The following CD2AP variants were observed in gnomAD, a reference collection of about 807,000 sequenced individuals.
CD2AP encodes CD2 associated protein, also known as CD2-associated protein.
Under a neutral mutation model 85.1 loss-of-function variants are expected in CD2AP, and 46 were observed. The observed-to-expected ratio is 0.54, with a 90% CI of 0.43 to 0.69. The LOEUF (loss-of-function observed/expected upper bound fraction) is 0.69. Among genes scored for constraint, CD2AP ranks in the 30% least tolerant of loss-of-function variants. CD2AP has a pLI of 0.00. For missense variants in CD2AP, 769 were observed against 729.5 expected, an observed-to-expected ratio of 1.05 and a Z score of -0.62; for synonymous variants, 255 against 252.9, an observed-to-expected ratio of 1.01 and a Z score of -0.08.
chr6:47,501,934 G>T (rs368049828), intron 1 of CD2AP, among the ~76,000 whole-genome samples: 11 of 152,140 alleles, frequency 7.2e-5, no homozygotes, highest in African/African-American at 2.7e-4. Flanking sequence ...TAGTAGTTTA[G>T]AACTATATAT....
intron 2 of CD2AP, among the ~76,000 whole-genome samples, chr6:47,528,965 G>T (rs1299351946): frequency 6.6e-6 from 1 of 152,022 alleles, no homozygotes; most frequent in Non-Finnish European, 1.5e-5. Flanking sequence ...TCACTCTCTT[G>T]ATACGTTTGC....
chr6:47,499,678 A>G (rs1765952333), intron 1 of CD2AP, among the ~76,000 whole-genome samples: 1 of 152,196 alleles, frequency 6.6e-6, no homozygotes, highest in Non-Finnish European at 1.5e-5. Context: ...AGAGTAAATA[A>G]TAAATGAATA....
At chr6:47,576,678 C>G in intron 7 of CD2AP, 76 bp downstream of exon 7, 1 of 1,068,540 alleles carries the variant, frequency 9.4e-7, no homozygotes, top group Admixed American at 1.7e-5. Flanking sequence ...TTGTTGGAAG[C>G]ATTTGTTACA....
At chr6:47,560,731 C>G (rs1383028911) in intron 5 of CD2AP, among the ~76,000 whole-genome samples, 1 of 152,146 alleles carries the variant, frequency 6.6e-6, no homozygotes, top group South Asian at 2.1e-4. Flanking sequence ...TTAGTTACAG[C>G]TGTGCTGCCA....
At chr6:47,574,931 C>T (rs544138295) in intron 6 of CD2AP, among the ~76,000 whole-genome samples, 8 of 152,264 alleles carry the variant, frequency 5.3e-5, no homozygotes, top group Admixed American at 4.6e-4. Flanking sequence ...CTCTTTAACT[C>T]TGAAGAAATT....
chr6:47,530,539 T>C (rs1314570678), intron 2 of CD2AP, among the ~76,000 whole-genome samples: 1 of 152,262 alleles, frequency 6.6e-6, no homozygotes, highest in African/African-American at 2.4e-5. Context: ...TTCATTTTTA[T>C]TGCTGAGTAG....
intron 1 of CD2AP, among the ~76,000 whole-genome samples, chr6:47,491,545 A>G (rs1462833653): frequency 6.6e-6 from 1 of 152,056 alleles, no homozygotes; most frequent in Admixed American, 6.5e-5. Context: ...TGCCATTGTG[A>G]TATTTATCTG....
chr6:47,580,068 A>T (rs1198164006), intron 9 of CD2AP, among the ~76,000 whole-genome samples: 2 of 152,120 alleles, frequency 1.3e-5, no homozygotes, highest in Admixed American at 6.5e-5. Context: ...ACACAACAGG[A>T]TGGGCTACCA....
intron 17 of CD2AP, among the ~76,000 whole-genome samples, chr6:47,618,348 A>C (rs1769654082): frequency 6.6e-6 from 1 of 152,092 alleles, no homozygotes; most frequent in African/African-American, 2.4e-5. Context: ...CCAAATTTGC[A>C]AGACTTGTAG....
Position 47,478,126 on chromosome 6 carries a change from A to C in CD2AP, c.-119A>C. On this transcript the variant is annotated 5_prime_UTR_variant, in exon 1 of 18. Transcript: ENST00000359314. ...GCGACTCTTCGCCCCGCCTGAGCTCAGGAGGGGCTAGCGCGGAGCGCGGGT... is the reference window on the plus strand; with the variant it reads ...GCGACTCTTCGCCCCGCCTGAGCTCCGGAGGGGCTAGCGCGGAGCGCGGGT... The C allele has an allele frequency of 7.5e-7, 1 of 1,326,478 alleles. No homozygotes were observed. The highest frequency in any genetic ancestry group is 1.1e-6 in the Non-Finnish European group (1 of 945,206). The allele number at this position is 1,326,478 out of a possible 1,614,324, so 82.2% of individuals were successfully genotyped here. A position where few individuals can be genotyped will look rare whatever the true frequency, so the allele number is the denominator to read the frequency against.
chr6:47,546,631 C>T (rs1465013790), intron 4 of CD2AP, among the ~76,000 whole-genome samples: 1 of 151,848 alleles, frequency 6.6e-6, no homozygotes, highest in African/African-American at 2.4e-5. Context: ...GAAAAACTTC[C>T]CCGGCCTTGC....
At chr6:47,596,715 A>G (rs1272266849) in intron 12 of CD2AP, among the ~76,000 whole-genome samples, 1 of 152,130 alleles carries the variant, frequency 6.6e-6, no homozygotes, top group Non-Finnish European at 1.5e-5. Context: ...GTGCTGTAGT[A>G]AACATGGGAA....
At chr6:47,564,721 A>G (rs1767945806) in intron 5 of CD2AP, among the ~76,000 whole-genome samples, 1 of 152,204 alleles carries the variant, frequency 6.6e-6, no homozygotes, top group African/African-American at 2.4e-5. Flanking sequence ...AGGAGTAACT[A>G]CTTAAAATTT....
At chr6:47,525,289 A>C (rs1220185130) in intron 2 of CD2AP, among the ~76,000 whole-genome samples, 2 of 152,230 alleles carry the variant, frequency 1.3e-5, no homozygotes, top group African/African-American at 4.8e-5. Flanking sequence ...TCTGTGAAGT[A>C]GGAGATACTA....
rs185277517 is a variant in CD2AP, at chr6:47,537,540, G to T, written c.319+3785G>T. Among the ~76,000 whole-genome samples the T allele has an allele frequency of 3.9e-3, 588 of 152,218 alleles. 1 individual carries two copies. The highest frequency in any genetic ancestry group is 5.1e-3 in the Non-Finnish European group (344 of 68,010). ...AGTATACCCTTCACCTACATATGCT[G>T]TTAACATTTTCTCACATTGGCTTTA... is the stretch of plus-strand genomic sequence containing the variant. On this transcript the variant is annotated intron_variant, in intron 3 of 17. Coordinates refer to ENST00000359314, the MANE Select transcript of CD2AP (RefSeq NM_012120.3).
chr6:47,609,926 A>G (rs986717420), intron 16 of CD2AP, among the ~76,000 whole-genome samples: 4 of 152,144 alleles, frequency 2.6e-5, no homozygotes, highest in Non-Finnish European at 5.9e-5. Context: ...TTGTGTATCT[A>G]TACATATAGT....
intron 3 of CD2AP, among the ~76,000 whole-genome samples, chr6:47,536,922 C>T (rs1252499364): frequency 1.3e-5 from 2 of 152,176 alleles, no homozygotes; most frequent in East Asian, 3.8e-4. Context: ...AGATGTTTCA[C>T]TTTACATTTG....
intron 2 of CD2AP, among the ~76,000 whole-genome samples, chr6:47,519,427 G>C (rs903013147): frequency 6.6e-6 from 1 of 152,186 alleles, no homozygotes; most frequent in Non-Finnish European, 1.5e-5. Context: ...TTGGCATTGT[G>C]ACAGGAGTAC....
intron 8 of CD2AP, 137 bp from the exon 9 acceptor site, chr6:47,579,248 T>A (rs2114104015): frequency 1.6e-6 from 1 of 628,748 alleles, no homozygotes; most frequent in East Asian, 2.9e-5. Flanking sequence ...GTTGGGAGGA[T>A]CACTTGAGCC....
Sources: allele counts gnomAD v4.1 joint callset (sites outside exome capture counted in the v4.1 genomes callset), GRCh38; gene constraint gnomAD v4.1.1; transcripts MANE v1.5; gene names NCBI Gene and HGNC (gene_info 2026-07-23, HGNC 2026-07-21).